Variants in TMEM132D observed in about 807,000 individuals in gnomAD.
The protein encoded by TMEM132D is mature OL transmembrane protein.
Under a neutral mutation model 62.3 loss-of-function variants are expected in TMEM132D, and 21 were observed. That is an observed-to-expected ratio of 0.34 (90% CI 0.24 to 0.49). TMEM132D has a LOEUF of 0.49. Ranked by LOEUF, TMEM132D falls within the 20% of genes least tolerant of loss-of-function variation. The probability of loss-of-function intolerance (pLI) is 0.99; values close to 1 mark genes in which losing one functional copy is unlikely to be tolerated. For synonymous variants in TMEM132D, 621 were observed against 575.6 expected (o/e 1.08, Z -1.13); for missense variants, 1,346 against 1,402.8 (o/e 0.96, Z 0.65).
At chr12:129,396,470 T>C (rs910647007) in intron 3 of TMEM132D, among the ~76,000 whole-genome samples, 2 of 152,160 alleles carry the variant, frequency 1.3e-5, no homozygotes, top group African/African-American at 2.4e-5. Context: ...ATAAGAGAAA[T>C]TGGCTTGTGT....
At chr12:129,615,480 G>A (rs1878888699) in intron 2 of TMEM132D, among the ~76,000 whole-genome samples, 1 of 151,294 alleles carries the variant, frequency 6.6e-6, no homozygotes. Flanking sequence ...ACCAGGCATG[G>A]TGGCTCACAC....
At chr12:129,527,584 T>C (rs778243625) in intron 3 of TMEM132D, among the ~76,000 whole-genome samples, 2 of 152,186 alleles carry the variant, frequency 1.3e-5, no homozygotes, top group Non-Finnish European at 2.9e-5. Flanking sequence ...TCCTCCTTTC[T>C]ACGTGACACC....
At position 129,081,868 on chromosome 12, in the gene TMEM132D, T is replaced by G. The variant is rs1435277578; in HGVS notation, c.1814A>C (p.Asp605Ala). Residue 605 changes from aspartate (D) to alanine (A), a missense_variant, in exon 7 of 9, where the codon GAC (aspartate) becomes GCC (alanine). Physicochemically the swap from Asp to Ala is moderately radical, Grantham distance 126. Coordinates refer to ENST00000422113, the MANE Select transcript of TMEM132D (RefSeq NM_133448.3). The stretch of plus-strand genomic sequence containing the variant: ...GAAGTCATTTATCAGCTCCGTGATG[T>G]CCACTTGCCAGTCTGAGCCCAGCAG... ...AHLLGSDWQV[D>A]ITELINDFMQ... 2.5e-6 allele frequency: 4 copies of G among 1,614,082 alleles called. No homozygotes were observed.
chr12:129,177,679 A>C (rs1877943192), intron 5 of TMEM132D, among the ~76,000 whole-genome samples: 1 of 152,108 alleles, frequency 6.6e-6, no homozygotes, highest in Non-Finnish European at 1.5e-5. Flanking sequence ...GATTGCTTGC[A>C]CCCAGGAGTT....
At chr12:129,663,786 A>G (rs1039905085) in intron 2 of TMEM132D, among the ~76,000 whole-genome samples, 2 of 152,128 alleles carry the variant, frequency 1.3e-5, no homozygotes, top group African/African-American at 4.8e-5. Flanking sequence ...ATATCAAGCA[A>G]TCCTTCTATC....
At chr12:129,615,772 A>G (rs1878897183) in intron 2 of TMEM132D, among the ~76,000 whole-genome samples, 2 of 145,282 alleles carry the variant, frequency 1.4e-5, no homozygotes, top group Non-Finnish European at 3.0e-5. Context: ...TCAATAAAAT[A>G]ATTAAAACAA....
intron 2 of TMEM132D, among the ~76,000 whole-genome samples, chr12:129,675,020 A>G (rs1440208200): frequency 6.6e-6 from 1 of 152,236 alleles, no homozygotes; most frequent in Non-Finnish European, 1.5e-5. Flanking sequence ...AGCATCTAGA[A>G]AATGGATAAT....
chr12:129,404,095 G>A (rs1304954855), intron 3 of TMEM132D, among the ~76,000 whole-genome samples: 2 of 152,188 alleles, frequency 1.3e-5, no homozygotes, highest in Non-Finnish European at 2.9e-5. Context: ...ACAGGATGGG[G>A]ATGCAGTTGG....
intron 5 of TMEM132D, among the ~76,000 whole-genome samples, chr12:129,097,560 G>T (rs145758932): frequency 6.6e-6 from 1 of 152,322 alleles, no homozygotes; most frequent in East Asian, 1.9e-4. Flanking sequence ...ATTTTATAGA[G>T]AAATAACAGG....
chr12:129,416,844 T>G (rs760005248), intron 3 of TMEM132D, among the ~76,000 whole-genome samples: 1 of 152,220 alleles, frequency 6.6e-6, no homozygotes, highest in African/African-American at 2.4e-5. Context: ...ATGGATTATG[T>G]TTACTGATTT....
intron 4 of TMEM132D, among the ~76,000 whole-genome samples, chr12:129,281,730 A>C (rs142467810): frequency 1.3e-5 from 2 of 152,194 alleles, no homozygotes; most frequent in African/African-American, 4.8e-5. Flanking sequence ...TGAAAGCTGG[A>C]TGATAACAGC....
At chr12:129,142,554 A>T (rs1042428427) in intron 5 of TMEM132D, among the ~76,000 whole-genome samples, 1 of 152,236 alleles carries the variant, frequency 6.6e-6, no homozygotes, top group Non-Finnish European at 1.5e-5. Context: ...TTAGAAAATT[A>T]TGATTAAGTC....
intron 4 of TMEM132D, among the ~76,000 whole-genome samples, chr12:129,228,301 A>G (rs1879539270): frequency 6.6e-6 from 1 of 152,014 alleles, no homozygotes; most frequent in South Asian, 2.1e-4. Context: ...CTTGCTCAAG[A>G]CCTAGAGGTT....
chr12:129,401,420 T>C (rs1871617375), intron 3 of TMEM132D, among the ~76,000 whole-genome samples: 1 of 151,928 alleles, frequency 6.6e-6, no homozygotes, highest in Non-Finnish European at 1.5e-5. Context: ...TTTTAAAAAA[T>C]TAGCTGAGCA....
intron 3 of TMEM132D, among the ~76,000 whole-genome samples, chr12:129,403,609 A>G (rs1006772073): frequency 2.0e-5 from 3 of 152,164 alleles, no homozygotes; most frequent in Admixed American, 2.0e-4. Flanking sequence ...ATCTGCTAAT[A>G]TTCATGAAAT....
chr12:129,286,216 G>A (rs1881293155), intron 4 of TMEM132D, among the ~76,000 whole-genome samples: 1 of 152,148 alleles, frequency 6.6e-6, no homozygotes, highest in South Asian at 2.1e-4. Context: ...ATCATTATAG[G>A]AAAAATAGCT....
At chr12:129,451,961 G>A (rs1384885952) in intron 3 of TMEM132D, among the ~76,000 whole-genome samples, 3 of 152,216 alleles carry the variant, frequency 2.0e-5, no homozygotes, top group Non-Finnish European at 2.9e-5. Flanking sequence ...AAGATGGTGA[G>A]TAGGCAAGTA....
chr12:129,462,969 C>T (rs1026390526), intron 3 of TMEM132D, among the ~76,000 whole-genome samples: 7 of 152,084 alleles, frequency 4.6e-5, no homozygotes, highest in African/African-American at 7.2e-5. Flanking sequence ...TGGGAGTCCT[C>T]GGAGCCCACA....
chr12:129,418,553 C>A (rs1344750961), intron 3 of TMEM132D, among the ~76,000 whole-genome samples: 1 of 151,850 alleles, frequency 6.6e-6, no homozygotes, highest in East Asian at 1.9e-4. Flanking sequence ...CACACCGGGG[C>A]CTGTTGGTGG....
Sources: allele counts gnomAD v4.1 joint callset (sites outside exome capture counted in the v4.1 genomes callset), GRCh38; gene constraint gnomAD v4.1.1; transcripts MANE v1.5; gene names NCBI Gene and HGNC (gene_info 2026-07-23, HGNC 2026-07-21).